Variants in COPZ1 observed in about 807,000 individuals in gnomAD.
The protein encoded by COPZ1 is coat protein complex I subunit zeta 1.
Under a neutral mutation model 31.7 loss-of-function variants are expected in COPZ1, and 4 were observed. The ratio of observed to expected loss-of-function variants is 0.13; its 90% CI spans 0.06 to 0.29. The LOEUF (loss-of-function observed/expected upper bound fraction) is 0.29. Among genes scored for constraint, COPZ1 ranks in the 10% least tolerant of loss-of-function variants. The pLI is 1.00. For synonymous variants in COPZ1, 74 were observed against 79.0 expected (o/e 0.94, Z 0.33); for missense variants, 156 against 211.5 (o/e 0.74, Z 1.63).
intron 1 of COPZ1, among the ~76,000 whole-genome samples, chr12:54,332,304 C>G (rs908747659): frequency 1.3e-5 from 2 of 150,882 alleles, no homozygotes; most frequent in African/African-American, 2.4e-5. Flanking sequence ...GAGTGAGACT[C>G]CGTCTCAAAA....
At chr12:54,350,219 TC>T (rs767505157) in intron 8 of COPZ1, 3 of 698,658 alleles carry the variant, frequency 4.3e-6, no homozygotes, top group African/African-American at 3.5e-5. Flanking sequence ...GTCCAGTAAC[TC>T]CCTTTTTTTT....
At chr12:54,326,766 C>T (rs928626335) in intron 1 of COPZ1, among the ~76,000 whole-genome samples, 11 of 150,428 alleles carry the variant, frequency 7.3e-5, no homozygotes, top group Non-Finnish European at 1.3e-4. Context: ...TCCAAAGAAG[C>T]TTGTCTTTTA....
intron 1 of COPZ1, among the ~76,000 whole-genome samples, chr12:54,335,546 T>G (rs990152890): frequency 1.0e-4 from 15 of 150,694 alleles, no homozygotes; most frequent in African/African-American, 3.7e-4. Flanking sequence ...GTAGCTGGGA[T>G]TACAGGCGTC....
At chr12:54,337,167 G>T (rs1292574875) in intron 1 of COPZ1, 1 of 533,132 alleles carries the variant, frequency 1.9e-6, no homozygotes, top group East Asian at 5.5e-5. Flanking sequence ...ATGAAAATCT[G>T]TCTAAGTCAC....
At chr12:54,339,846 C>T (rs1953940022) in intron 1 of COPZ1, among the ~76,000 whole-genome samples, 1 of 152,126 alleles carries the variant, frequency 6.6e-6, no homozygotes, top group African/African-American at 2.4e-5. Flanking sequence ...TTAACTCCCC[C>T]AAAATTCAGG....
chr12:54,347,175 G>A (rs760229902), intron 5 of COPZ1, among the ~76,000 whole-genome samples: 4 of 152,090 alleles, frequency 2.6e-5, no homozygotes, highest in Non-Finnish European at 4.4e-5. Context: ...AATTCATTCG[G>A]GTAATCTAGT....
chr12:54,345,560 G>C (rs771191700), intron 5 of COPZ1, 45 bp downstream of exon 5: 1 of 1,448,228 alleles, frequency 6.9e-7, no homozygotes, highest in Non-Finnish European at 9.7e-7. Context: ...ATGATGGAAA[G>C]AGCAGGGCAT....
intron 1 of COPZ1, among the ~76,000 whole-genome samples, chr12:54,326,009 CGTG>C: frequency 6.6e-6 from 1 of 150,686 alleles, no homozygotes; most frequent in Admixed American, 6.6e-5. Context: ...TTAGTAGAGA[CGTG>C]GTTTCACCAT....
At chr12:54,339,993 G>A (rs936875058) in intron 1 of COPZ1, among the ~76,000 whole-genome samples, 13 of 150,162 alleles carry the variant, frequency 8.7e-5, no homozygotes, top group African/African-American at 3.2e-4. Flanking sequence ...GTGTGTGTGT[G>A]TGTGTGTGTG....
intron 1 of COPZ1, among the ~76,000 whole-genome samples, chr12:54,338,492 A>T (rs1218816003): frequency 3.9e-5 from 6 of 152,168 alleles, no homozygotes; most frequent in Non-Finnish European, 1.5e-5. Flanking sequence ...TTTATTCCAG[A>T]GTGTTATATA....
chr12:54,337,019 C>CAAAAAAAAAAAAAAAA (rs1182592654), intron 1 of COPZ1, among the ~76,000 whole-genome samples: 1 of 61,644 alleles, frequency 1.6e-5, no homozygotes, highest in African/African-American at 8.1e-5. Flanking sequence ...GAGACTGTCG[C>CAAAAAAAAAAAAAAAA]AAAAAAAAAA....
chr12:54,342,022 T>C (rs989977284), intron 2 of COPZ1, among the ~76,000 whole-genome samples, 184 bp from the exon 3 acceptor site: 2 of 152,208 alleles, frequency 1.3e-5, no homozygotes, highest in Non-Finnish European at 2.9e-5. Context: ...CTTTTATTTA[T>C]TTTTCTTGGA....
In COPZ1 at chr12:54,350,722, G is replaced by A; in HGVS notation, c.*199G>A. 1 of 599,572 alleles carries A rather than the reference G, an allele frequency of 1.7e-6. No individual in the cohort carries two copies. The highest frequency in any genetic ancestry group is 3.0e-6 in the Non-Finnish European group (1 of 333,320). 37.1% of individuals were successfully genotyped at this position (599,572 alleles called of 1,614,324 possible). A position where few individuals can be genotyped will look rare whatever the true frequency, so the allele number is the denominator to read the frequency against. ...CTTTTTCATTCTTCTTGCAGTTCTGGGAGTAAAGCTCCCAGCATATTTAGA... is the reference window on the plus strand; with the variant it reads ...CTTTTTCATTCTTCTTGCAGTTCTGAGAGTAAAGCTCCCAGCATATTTAGA... On this transcript the variant is annotated 3_prime_UTR_variant, in exon 9 of 9. Coordinates refer to ENST00000262061, the MANE Select transcript of COPZ1 (RefSeq NM_016057.3).
At chr12:54,348,249 C>T in intron 7 of COPZ1, 198 bp downstream of exon 7, 1 of 589,788 alleles carries the variant, frequency 1.7e-6, no homozygotes, top group Admixed American at 3.0e-5. Flanking sequence ...CTTATTTCTA[C>T]CCCTAATATG....
intron 1 of COPZ1, among the ~76,000 whole-genome samples, chr12:54,333,950 T>G (rs1241913927): frequency 6.6e-6 from 1 of 152,132 alleles, no homozygotes. Context: ...CAGAAATAAT[T>G]AGCAGGGTGT....
chr12:54,331,183 T>A (rs1032593912), intron 1 of COPZ1, among the ~76,000 whole-genome samples: 2 of 145,450 alleles, frequency 1.4e-5, no homozygotes, highest in Non-Finnish European at 3.0e-5. Flanking sequence ...CTTTTTTTTT[T>A]TTTTTTTTTT....
chr12:54,350,106 A>G, intron 8 of COPZ1: 1 of 616,448 alleles, frequency 1.6e-6, no homozygotes, highest in Admixed American at 2.8e-5. Flanking sequence ...TACCTGATGT[A>G]GGGGGAAGGG....
rs1437914962 is a variant in COPZ1 at position 54,339,975 on chromosome 12, CTGTGCGTG to C, written c.19-567_19-560del. ...TAGGCTGCATTGAGAACTGGTGTGC[CTGTGCGTG>C]TGTGTGTGTGTGTGTGTGTGTGTGT... On this transcript the variant is annotated intron_variant, in intron 1 of 8. Coordinates refer to ENST00000262061, the MANE Select transcript of COPZ1 (RefSeq NM_016057.3). Among the ~76,000 whole-genome samples, 6 of 123,506 alleles carry C rather than the reference CTGTGCGTG, an allele frequency of 4.9e-5. No homozygotes were observed. The East Asian group carries it at 1.1e-3, about 22-fold the overall frequency. 81.0% of individuals were successfully genotyped at this position (123,506 alleles called of 152,430 possible).
intron 7 of COPZ1, among the ~76,000 whole-genome samples, chr12:54,348,763 A>G (rs1272578223): frequency 6.6e-6 from 1 of 152,044 alleles, no homozygotes; most frequent in African/African-American, 2.4e-5. Context: ...TAAAATAATA[A>G]TAATAAAGTG....
Sources: gnomAD v4.1 joint callset for allele counts (sites outside exome capture counted in the v4.1 genomes callset) on GRCh38, gnomAD v4.1.1 for gene constraint, MANE v1.5 for transcripts, NCBI Gene and HGNC (gene_info 2026-07-23, HGNC 2026-07-21) for gene names.